The following APBB2 variants were observed in gnomAD, a reference collection of about 807,000 sequenced individuals.
APBB2 encodes the protein Fe65-like 1.
In APBB2, 38 loss-of-function variants were observed where a neutral mutation model predicts 82.5. The ratio of observed to expected loss-of-function variants is 0.46; its 90% confidence interval spans 0.36 to 0.60. The LOEUF (loss-of-function observed/expected upper bound fraction) is 0.60. Ranked by LOEUF, APBB2 falls within the 20% of genes least tolerant of loss-of-function variation. The pLI, the probability that APBB2 is intolerant of heterozygous loss-of-function variation, is 0.00. For missense variants in APBB2, 772 were observed against 972.3 expected (o/e 0.79, Z 2.74); for synonymous variants, 341 against 368.2 (o/e 0.93, Z 0.85).
chr4:40,855,279 G>A (rs545797181), intron 12 of APBB2, among the ~76,000 whole-genome samples: 1 of 152,352 alleles, frequency 6.6e-6, no homozygotes, highest in African/African-American at 2.4e-5. Context: ...GAAGACACCT[G>A]TTGTATTTAT....
rs1232447479 is a variant in APBB2, at chr4:40,965,098, C to A, written c.836-20025G>T. Among the ~76,000 whole-genome samples, 7 of 148,386 alleles carry A rather than the reference C, an allele frequency of 4.7e-5. 1 individual carries two copies. Among genetic ancestry groups the A allele is most frequent in the Admixed American group, 1.4e-4 (2 of 14,756 alleles). On this transcript the variant is annotated intron_variant, in intron 6 of 17. Coordinates refer to ENST00000508593, the MANE Select transcript of APBB2 (RefSeq NM_004307.2). ...TCACTCCACTGCACTCCAGCCAGGG[C>A]GACAGAGCAAGACTCCATCTCAAAA... is the stretch of plus-strand genomic sequence containing the variant.
At chr4:41,132,181 G>T (rs896899849) in intron 2 of APBB2, among the ~76,000 whole-genome samples, 5 of 151,822 alleles carry the variant, frequency 3.3e-5, no homozygotes, top group Non-Finnish European at 7.4e-5. Flanking sequence ...TTCCATCTTC[G>T]TATCTATTAC....
intron 12 of APBB2, among the ~76,000 whole-genome samples, chr4:40,878,747 CTG>C (rs1406095209): frequency 6.6e-6 from 1 of 152,202 alleles, no homozygotes; most frequent in African/African-American, 2.4e-5. Context: ...GTCACCCACT[CTG>C]TGTTCCTTTA....
chr4:40,825,294 G>A (rs1289096169), intron 15 of APBB2, among the ~76,000 whole-genome samples: 3 of 152,240 alleles, frequency 2.0e-5, no homozygotes, highest in South Asian at 2.1e-4. Context: ...ATGCCAGACT[G>A]TTTTCCAAAG....
chr4:41,026,271 CA>C (rs146809705), intron 5 of APBB2, among the ~76,000 whole-genome samples: 119 of 152,248 alleles, frequency 7.8e-4, no homozygotes, highest in African/African-American at 2.8e-3. Context: ...ATCTGAACAA[CA>C]AAGCCCCATG....
chr4:40,930,464 CGCGT>C (rs760074664), intron 10 of APBB2, among the ~76,000 whole-genome samples: 52 of 133,082 alleles, frequency 3.9e-4, no homozygotes, highest in South Asian at 1.1e-3. Flanking sequence ...CGCGCGCGCG[CGCGT>C]GCGCGTGCGC....
chr4:41,158,086 G>A (rs1044562303), intron 1 of APBB2, among the ~76,000 whole-genome samples: 5 of 152,044 alleles, frequency 3.3e-5, no homozygotes, highest in Non-Finnish European at 7.4e-5. Flanking sequence ...TGGGATATTC[G>A]TGGGGACAAA....
In APBB2 at chr4:40,827,216, T is replaced by C. The variant is rs368021506; in HGVS notation, c.1648A>G (p.Met550Val). ...GCTTTGGCATTCTTCCGTTCAGCCA[T>C]AATCTAAGGGGGAAAAAGTGCAGCT... ...TSLHEICSKI[M>V]AERKNAKALA... is the part of the protein sequence containing the mutation. The change falls in exon 14 of 18, where the codon ATG (methionine) becomes GTG (valine). Residue 550 changes from methionine to valine, a missense_variant. Transcript: ENST00000508593. 1 of 1,614,020 alleles carries C rather than the reference T, an allele frequency of 6.2e-7. No individual in the cohort carries two copies. The highest frequency in any genetic ancestry group is 1.3e-5 in the African/African-American group (1 of 74,906).
chr4:40,882,082 C>T (rs1578172912), intron 12 of APBB2, among the ~76,000 whole-genome samples: 1 of 151,970 alleles, frequency 6.6e-6, no homozygotes, highest in African/African-American at 2.4e-5. Flanking sequence ...TCTTAAAGGT[C>T]AACCAGGGAG....
At chr4:40,999,455 T>A (rs1252010537) in intron 6 of APBB2, among the ~76,000 whole-genome samples, 1 of 151,816 alleles carries the variant, frequency 6.6e-6, no homozygotes, top group East Asian at 1.9e-4. Flanking sequence ...CAAAAGTAAA[T>A]CAGTAAAAAT....
chr4:40,913,463 T>C (rs1338300078), intron 10 of APBB2, among the ~76,000 whole-genome samples: 1 of 152,232 alleles, frequency 6.6e-6, no homozygotes, highest in African/African-American at 2.4e-5. Context: ...GAGCCTTGAA[T>C]AAAGTCCTTC....
intron 6 of APBB2, among the ~76,000 whole-genome samples, chr4:40,952,316 A>AC (rs1300780662): frequency 6.6e-6 from 1 of 151,808 alleles, no homozygotes; most frequent in African/African-American, 2.4e-5. Flanking sequence ...TCCAGATTCT[A>AC]CCCCACCTGC....
At chr4:41,159,645 G>A (rs1285796942) in intron 1 of APBB2, among the ~76,000 whole-genome samples, 2 of 151,964 alleles carry the variant, frequency 1.3e-5, no homozygotes, top group South Asian at 2.1e-4. Flanking sequence ...AATTCTTATA[G>A]AGATATTACT....
intron 1 of APBB2, among the ~76,000 whole-genome samples, chr4:41,163,880 A>C (rs1765811481): frequency 6.6e-6 from 1 of 152,222 alleles, no homozygotes; most frequent in Non-Finnish European, 1.5e-5. Context: ...AAAACCTCAA[A>C]TAACATACTT....
intron 1 of APBB2, among the ~76,000 whole-genome samples, chr4:41,164,469 C>T (rs1400719213): frequency 1.3e-5 from 2 of 152,250 alleles, no homozygotes; most frequent in African/African-American, 2.4e-5. Context: ...ATGCAAAAGG[C>T]GGCTCCTTTG....
At chr4:40,874,330 T>G (rs896109401) in intron 12 of APBB2, among the ~76,000 whole-genome samples, 7 of 152,358 alleles carry the variant, frequency 4.6e-5, no homozygotes, top group African/African-American at 1.7e-4. Flanking sequence ...AAAAGAAATC[T>G]GCATTTCAGT....
intron 12 of APBB2, among the ~76,000 whole-genome samples, chr4:40,854,942 T>G (rs548421542): frequency 6.6e-6 from 1 of 152,198 alleles, no homozygotes; most frequent in African/African-American, 2.4e-5. Flanking sequence ...ACAATGCCAA[T>G]GTTCAAACTC....
intron 1 of APBB2, among the ~76,000 whole-genome samples, chr4:41,161,674 C>T (rs532836021): frequency 6.6e-6 from 1 of 152,244 alleles, no homozygotes; most frequent in Admixed American, 6.5e-5. Flanking sequence ...CCCCACACAG[C>T]CAACTTCTTA....
chr4:41,185,328 G>C (rs1367123167), intron 1 of APBB2, among the ~76,000 whole-genome samples: 1 of 152,124 alleles, frequency 6.6e-6, no homozygotes, highest in Non-Finnish European at 1.5e-5. Context: ...AAAACAATGT[G>C]TACTAAGTTT....
Sources: gnomAD v4.1 joint callset for allele counts (sites outside exome capture counted in the v4.1 genomes callset) on GRCh38, gnomAD v4.1.1 for gene constraint, MANE v1.5 for transcripts, NCBI Gene and HGNC (gene_info 2026-07-23, HGNC 2026-07-21) for gene names.